The following KCNH7 variants were observed in gnomAD, a reference collection of about 807,000 sequenced individuals.
KCNH7 encodes voltage-gated inwardly rectifying potassium channel KCNH7.
In KCNH7, 49 loss-of-function variants were observed where a neutral mutation model predicts 120.8. The observed-to-expected ratio is 0.41, with a 90% CI of 0.32 to 0.51. The LOEUF (loss-of-function observed/expected upper bound fraction) is 0.51. Ranked by LOEUF, KCNH7 falls within the 20% of genes least tolerant of loss-of-function variation. The pLI is 0.38. For synonymous variants in KCNH7, 547 were observed against 516.1 expected, an observed-to-expected ratio of 1.06 and a Z score of -0.81; for missense variants, 1,097 against 1,446.6, an observed-to-expected ratio of 0.76 and a Z score of 3.92.
intron 2 of KCNH7, among the ~76,000 whole-genome samples, chr2:162,684,590 T>C (rs1164905326): frequency 6.6e-6 from 1 of 151,842 alleles, no homozygotes; most frequent in African/African-American, 2.4e-5. Flanking sequence ...CCAACAAACA[T>C]GAAAAAAAGC....
rs1693441661 is a variant in KCNH7 at position 162,570,720 on chromosome 2, G to C, written c.308-33640C>G. 2.0e-5 allele frequency among the ~76,000 whole-genome samples: 3 copies of C among 152,040 alleles called. No homozygotes were observed. In the South Asian group the frequency reaches 6.2e-4, roughly 32 times the overall value. ...TTCCTTCAGGAGCTCTTTCATCCCT[G>C]GGATGCAAGGCTGGTTCAATATATG... On this transcript the variant is annotated intron_variant, in intron 2 of 15. Coordinates refer to ENST00000332142, the MANE Select transcript of KCNH7 (RefSeq NM_033272.4).
At position 162,812,327 on chromosome 2, in the gene KCNH7, C is replaced by A. The variant is rs2105571014; in HGVS notation, c.307+24210G>T. 1.3e-5 allele frequency among the ~76,000 whole-genome samples: 2 copies of A among 152,060 alleles called. 1 individual carries two copies. Among genetic ancestry groups the A allele is most frequent in the South Asian group, 4.1e-4 (2 of 4,822 alleles). Reference sequence around the variant, plus strand: ...GCAGTTAAATATTAATACAAGATAACTGAGGGATGCAGAGACTGGCATCTG... The same window carrying A: ...GCAGTTAAATATTAATACAAGATAAATGAGGGATGCAGAGACTGGCATCTG... On this transcript the variant is annotated intron_variant, in intron 2 of 15. Coordinates refer to ENST00000332142, the MANE Select transcript of KCNH7 (RefSeq NM_033272.4).
At chr2:162,771,682 C>G (rs1028399315) in intron 2 of KCNH7, among the ~76,000 whole-genome samples, 1 of 151,860 alleles carries the variant, frequency 6.6e-6, no homozygotes, top group African/African-American at 2.4e-5. Flanking sequence ...CATGTGACTG[C>G]CTATAACTTT....
rs148279295 is a variant in KCNH7 at position 162,802,089 on chromosome 2, A to G, written c.307+34448T>C. Among the ~76,000 whole-genome samples, 883 of 151,878 alleles carry G rather than the reference A, an allele frequency of 5.8e-3. 11 individuals carry two copies. The highest frequency in any genetic ancestry group is 0.02 in the African/African-American group (830 of 41,530). On this transcript the variant is annotated intron_variant, in intron 2 of 15. Transcript: ENST00000332142. ...TTGTCCCCAGAGTTTCAGATTCAGT[A>G]GGTCTTGTGTGAGGTTGGAAAATTT...
At chr2:162,624,048 T>C (rs1683457654) in intron 2 of KCNH7, among the ~76,000 whole-genome samples, 1 of 152,174 alleles carries the variant, frequency 6.6e-6, no homozygotes, top group Admixed American at 6.5e-5. Flanking sequence ...AGTCATCCTT[T>C]TGTCCAGTGT....
intron 9 of KCNH7, among the ~76,000 whole-genome samples, chr2:162,413,139 T>C (rs1687439235): frequency 6.6e-6 from 1 of 151,704 alleles, no homozygotes. Flanking sequence ...ATTTTTTTTG[T>C]TTTTTTTAAG....
At chr2:162,471,969 CA>C (rs1689554259) in intron 6 of KCNH7, among the ~76,000 whole-genome samples, 1 of 152,056 alleles carries the variant, frequency 6.6e-6, no homozygotes, top group Non-Finnish European at 1.5e-5. Context: ...ACAAACCTGA[CA>C]AAAACAAGAA....
intron 2 of KCNH7, among the ~76,000 whole-genome samples, chr2:162,624,060 T>C (rs1216575696): frequency 1.3e-5 from 2 of 152,146 alleles, no homozygotes; most frequent in African/African-American, 2.4e-5. Flanking sequence ...GTCCAGTGTA[T>C]ACAAACTCTA....
intron 3 of KCNH7, among the ~76,000 whole-genome samples, chr2:162,526,515 A>G (rs56878079): frequency 0.08 from 12,154 of 151,982 alleles, 529 homozygotes; most frequent in East Asian, 0.12. Context: ...TCAGAGGCCT[A>G]CACTCAGGGA....
At chr2:162,679,954 C>G (rs1313303755) in intron 2 of KCNH7, among the ~76,000 whole-genome samples, 6 of 151,694 alleles carry the variant, frequency 4.0e-5, no homozygotes, top group African/African-American at 1.5e-4. Context: ...AAAAGTGGAA[C>G]ACACGCCATA....
chr2:162,372,280 C>T (rs533811162), intron 15 of KCNH7, among the ~76,000 whole-genome samples, 185 bp from the exon 16 acceptor site: 10 of 152,168 alleles, frequency 6.6e-5, no homozygotes, highest in African/African-American at 2.4e-4. Flanking sequence ...TACAGATAAT[C>T]CTAAACAACC....
At chr2:162,629,378 G>A (rs890141743) in intron 2 of KCNH7, among the ~76,000 whole-genome samples, 1 of 152,106 alleles carries the variant, frequency 6.6e-6, no homozygotes, top group Admixed American at 6.6e-5. Flanking sequence ...AAATGTAAAT[G>A]TAGGGCCTGA....
At chr2:162,712,854 C>A (rs1686974236) in intron 2 of KCNH7, among the ~76,000 whole-genome samples, 1 of 152,256 alleles carries the variant, frequency 6.6e-6, no homozygotes, top group South Asian at 2.1e-4. Context: ...GTTCTTCTTA[C>A]TTCATTTAAA....
chr2:162,389,100 A>C (rs1202065489), intron 12 of KCNH7, among the ~76,000 whole-genome samples: 1 of 151,838 alleles, frequency 6.6e-6, no homozygotes, highest in Non-Finnish European at 1.5e-5. Flanking sequence ...CATCTTTAAC[A>C]CTGTTTGAAT....
Position 162,824,732 on chromosome 2 carries a change from T to C in KCNH7, c.307+11805A>G, listed in dbSNP as rs550256034. On this transcript the variant is annotated intron_variant, in intron 2 of 15. Transcript: ENST00000332142. Reference sequence around the variant, plus strand: ...TTTGAGCATTTGATGTCACTATAAGTGGCATTTCATAAGTGAATTTCACTT... The same window carrying C: ...TTTGAGCATTTGATGTCACTATAAGCGGCATTTCATAAGTGAATTTCACTT... Among the ~76,000 whole-genome samples the C allele has an allele frequency of 3.9e-3, 592 of 152,224 alleles. 2 individuals carry two copies. The highest frequency in any genetic ancestry group is 4.2e-3 in the Non-Finnish European group (287 of 67,984).
chr2:162,391,140 A>C (rs1686733897), intron 12 of KCNH7, among the ~76,000 whole-genome samples: 1 of 151,988 alleles, frequency 6.6e-6, no homozygotes. Context: ...AGGCAACAGC[A>C]CTCTTGAATG....
intron 2 of KCNH7, among the ~76,000 whole-genome samples, chr2:162,574,177 CT>C (rs1559023347): frequency 6.6e-6 from 1 of 151,932 alleles, no homozygotes; most frequent in African/African-American, 2.4e-5. Flanking sequence ...ATATTTGTCA[CT>C]GGACACTGCA....
chr2:162,712,481 C>T (rs2105360026), intron 2 of KCNH7, among the ~76,000 whole-genome samples: 1 of 152,202 alleles, frequency 6.6e-6, no homozygotes, highest in East Asian at 1.9e-4. Flanking sequence ...CTTTCTGCTG[C>T]ATAAGAGGGG....
chr2:162,471,562 C>T (rs1161683637), intron 6 of KCNH7, among the ~76,000 whole-genome samples: 1 of 152,116 alleles, frequency 6.6e-6, no homozygotes, highest in Non-Finnish European at 1.5e-5. Flanking sequence ...AGGAGAAATA[C>T]AAACCACTGT....
Sources: allele counts gnomAD v4.1 joint callset (sites outside exome capture counted in the v4.1 genomes callset), GRCh38; gene constraint gnomAD v4.1.1; transcripts MANE v1.5; gene names NCBI Gene and HGNC (gene_info 2026-07-23, HGNC 2026-07-21).